CAMK4: variants seen among roughly 807,000 people sequenced by gnomAD.
The protein encoded by CAMK4 is calcium/calmodulin dependent protein kinase IV.
Under a neutral mutation model 44.9 loss-of-function variants are expected in CAMK4, and 22 were observed. The ratio of observed to expected loss-of-function variants is 0.49; its 90% CI spans 0.35 to 0.70. The LOEUF (loss-of-function observed/expected upper bound fraction) is 0.70, where lower values mean the gene tolerates loss of function less well. Among genes scored for constraint, CAMK4 ranks in the 30% least tolerant of loss-of-function variants. The pLI, the probability that CAMK4 is intolerant of heterozygous loss-of-function variation, is 0.01. For synonymous variants in CAMK4, 218 were observed against 215.4 expected (o/e 1.01, Z -0.11); for missense variants, 498 against 586.8 (o/e 0.85, Z 1.56).
chr5:111,237,755 G>A (rs1344465726), intron 1 of CAMK4, among the ~76,000 whole-genome samples: 1 of 152,172 alleles, frequency 6.6e-6, no homozygotes, highest in African/African-American at 2.4e-5. Context: ...CTGTCACATG[G>A]TTGGGTAACA....
chr5:111,352,350 C>T (rs143371017), intron 2 of CAMK4, among the ~76,000 whole-genome samples: 1 of 100,146 alleles, frequency 1.0e-5, no homozygotes, highest in East Asian at 3.5e-4. Flanking sequence ...CTTGTTCAAA[C>T]TCATGCTGTT....
At chr5:111,417,163 G>A (rs1327492440) in intron 5 of CAMK4, among the ~76,000 whole-genome samples, 1 of 151,880 alleles carries the variant, frequency 6.6e-6, no homozygotes, top group African/African-American at 2.4e-5. Context: ...CTGTGTTCAA[G>A]CAGTCTCCCA....
intron 7 of CAMK4, among the ~76,000 whole-genome samples, chr5:111,465,029 C>T (rs191552614): frequency 6.6e-6 from 1 of 152,200 alleles, no homozygotes; most frequent in Admixed American, 6.5e-5. Flanking sequence ...GAATATTGTC[C>T]CGTATATTGA....
intron 5 of CAMK4, among the ~76,000 whole-genome samples, chr5:111,408,943 A>C (rs947103040): frequency 6.6e-6 from 1 of 152,192 alleles, no homozygotes; most frequent in Non-Finnish European, 1.5e-5. Flanking sequence ...GTGGGCTCCC[A>C]TGGGCATGGG....
In CAMK4 at chr5:111,443,279, T is replaced by TACAC. The variant is rs60644060; in HGVS notation, c.460-3374_460-3371dup. ...ATATATATATATATATATATATATA[T>TACAC]ACACACACACACACACACACACACA... On this transcript the variant is annotated intron_variant, in intron 5 of 10. Transcript: ENST00000282356. Among the ~76,000 whole-genome samples the TACAC allele has an allele frequency of 5.8e-3, 219 of 37,462 alleles. 5 individuals carry two copies. The highest frequency in any genetic ancestry group is 0.05 in the Middle Eastern group (3 of 60). The allele number at this position is 37,462 out of a possible 152,430, so 24.6% of individuals were successfully genotyped here.
In CAMK4 at chr5:111,494,766, G is replaced by T. The variant is rs908220442; in HGVS notation, c.*10300G>T. 5 of 152,090 alleles carry T rather than the reference G, an allele frequency of 3.3e-5. No individual in the cohort carries two copies. Among genetic ancestry groups the T allele is most frequent in the African/African-American group, 4.8e-5 (2 of 41,426 alleles). 9.4% of individuals were successfully genotyped at this position (152,090 alleles called of 1,614,324 possible). ...GACCTGAGGGCCAATGTTACTTGGT[G>T]TAAGTTCACTCAGACAGACATGTCA... On this transcript the variant is annotated 3_prime_UTR_variant, in exon 11 of 11. Transcript: ENST00000282356.
At chr5:111,419,079 T>G (rs1313830010) in intron 5 of CAMK4, among the ~76,000 whole-genome samples, 3 of 152,188 alleles carry the variant, frequency 2.0e-5, no homozygotes, top group Non-Finnish European at 4.4e-5. Flanking sequence ...AATGTTCCTA[T>G]TTCTCCACAT....
chr5:111,240,705 T>C (rs1171827061), intron 1 of CAMK4, among the ~76,000 whole-genome samples: 1 of 152,212 alleles, frequency 6.6e-6, no homozygotes, highest in Non-Finnish European at 1.5e-5. Flanking sequence ...TCATTCATTC[T>C]GGAAGGCCTC....
rs1288790380 is a variant in CAMK4 at position 111,394,710 on chromosome 5, G to C, written c.387G>C (p.Arg129Ser). 1.9e-6 allele frequency: 3 copies of C among 1,606,468 alleles called. No homozygotes were observed. Among genetic ancestry groups the C allele is most frequent in the Non-Finnish European group, 2.6e-6 (3 of 1,175,192 alleles). Residue 129 changes from arginine (R) to serine (S), a missense_variant and splice_region_variant, in exon 5 of 11, where the codon AGG (arginine) becomes AGC (serine). By Grantham distance (110) the Arg-to-Ser change is moderately radical. Around this residue, in one of 3 missense-constraint regions of CAMK4, gnomAD observed 203 missense variants for 298.2 expected, o/e 0.68. Coordinates refer to ENST00000282356, the MANE Select transcript of CAMK4 (RefSeq NM_001744.6). Reference sequence around the variant, plus strand: ...AGCATTTCCTTTCTTTTTGTTCCAGGATTGTGGAAAAGGGATATTACAGTG... The same window carrying C: ...AGCATTTCCTTTCTTTTTGTTCCAGCATTGTGGAAAAGGGATATTACAGTG... ...ELVTGGELFD[R>S]IVEKGYYSER...
chr5:111,232,785 A>G lies in CAMK4; in HGVS notation c.161+8141A>G, dbSNP rs140992901. ...TGTAAATTTTTTTTTTTTTTTAAGG[A>G]AAAAACAATCCCATAGCCTATGACT... On this transcript the variant is annotated intron_variant, in intron 1 of 10. Transcript: ENST00000282356. Among the ~76,000 whole-genome samples the G allele has an allele frequency of 1.0e-3, 153 of 151,778 alleles. 1 individual carries two copies. The highest frequency in any genetic ancestry group is 3.6e-3 in the African/African-American group (147 of 41,390).
intron 1 of CAMK4, among the ~76,000 whole-genome samples, chr5:111,308,620 C>T (rs1485848247): frequency 6.6e-6 from 1 of 152,108 alleles, no homozygotes; most frequent in Non-Finnish European, 1.5e-5. Flanking sequence ...GAAATTTAGT[C>T]CAGTGGGAAA....
intron 1 of CAMK4, among the ~76,000 whole-genome samples, chr5:111,262,845 T>C (rs1309868510): frequency 6.6e-6 from 1 of 152,250 alleles, no homozygotes; most frequent in Non-Finnish European, 1.5e-5. Flanking sequence ...GCTTTGCAAT[T>C]ACTACTTTTC....
intron 4 of CAMK4, among the ~76,000 whole-genome samples, chr5:111,380,820 G>C (rs1751386451): frequency 6.6e-6 from 1 of 152,124 alleles, no homozygotes; most frequent in East Asian, 1.9e-4. Context: ...TTCTTTTGTT[G>C]TGGTGGGCAT....
At chr5:111,343,996 T>C in intron 1 of CAMK4, 28 bp from the exon 2 acceptor site, 1 of 1,376,178 alleles carries the variant, frequency 7.3e-7, no homozygotes, top group Non-Finnish European at 1.0e-6. Context: ...AAGCATAACA[T>C]TTTCTTTTTG....
At chr5:111,294,884 A>G (rs1313384895) in intron 1 of CAMK4, among the ~76,000 whole-genome samples, 1 of 152,166 alleles carries the variant, frequency 6.6e-6, no homozygotes. Flanking sequence ...GATGCTACTA[A>G]GCTATGTGCA....
chr5:111,292,237 A>T (rs948850989), intron 1 of CAMK4, among the ~76,000 whole-genome samples: 4 of 152,246 alleles, frequency 2.6e-5, no homozygotes, highest in Admixed American at 2.6e-4. Flanking sequence ...AGTGTATCTG[A>T]AACAGGTTGG....
At position 111,406,836 on chromosome 5, in the gene CAMK4, T is replaced by C. The variant is rs149398565; in HGVS notation, c.459+12054T>C. ...CAGGATTAAGATGAGTGTCTTCACT[T>C]TTGCAAAAACTCAATTAAAGTGCCA... On this transcript the variant is annotated intron_variant, in intron 5 of 10. Transcript: ENST00000282356. 8.0e-4 allele frequency among the ~76,000 whole-genome samples: 122 copies of C among 152,294 alleles called. 3 individuals carry two copies. The East Asian group carries it at 0.023, about 29-fold the overall frequency.
chr5:111,424,435 T>C (rs1181238576), intron 5 of CAMK4, among the ~76,000 whole-genome samples: 1 of 18,182 alleles, frequency 5.5e-5, no homozygotes, highest in African/African-American at 3.7e-4. Context: ...TCTTCTATTC[T>C]TTTTTTTTTT....
chr5:111,366,072 C>A (rs527867152), intron 2 of CAMK4, among the ~76,000 whole-genome samples: 4 of 152,176 alleles, frequency 2.6e-5, no homozygotes, highest in Admixed American at 2.6e-4. Flanking sequence ...CATAGGGAAT[C>A]ATTGGGAAAG....
Sources: allele counts gnomAD v4.1 joint callset (sites outside exome capture counted in the v4.1 genomes callset), GRCh38; gene constraint gnomAD v4.1.1; regional missense constraint gnomAD v4.1.1; transcripts MANE v1.5; gene names NCBI Gene and HGNC (gene_info 2026-07-23, HGNC 2026-07-21).